The following GALNT13 variants were observed in gnomAD, a reference collection of about 807,000 sequenced individuals.
The protein encoded by GALNT13 is UDP-GalNAc:polypeptide N-acetylgalactosaminyltransferase 13.
GALNT13 carries 28 observed loss-of-function variants against 64.2 expected under a neutral mutation model. The observed-to-expected ratio is 0.44, with a 90% confidence interval of 0.32 to 0.60. The LOEUF is 0.60. Among genes scored for constraint, GALNT13 ranks in the 20% least tolerant of loss-of-function variants. The pLI, the probability that GALNT13 is intolerant of heterozygous loss-of-function variation, is 0.05. For synonymous variants in GALNT13, 214 were observed against 224.6 expected (o/e 0.95, Z 0.42); for missense variants, 577 against 669.8 (o/e 0.86, Z 1.53).
chr2:153,462,802 C>T, the GALNT13 span, among the ~76,000 whole-genome samples: 132 of 152,182 alleles, frequency 8.7e-4, no homozygotes, highest in Middle Eastern at 3.4e-3. Flanking sequence ...AATATGAAAG[C>T]GATGGAGAAT....
At chr2:154,190,591 TTGTC>T (rs1174223261) in intron 4 of GALNT13, among the ~76,000 whole-genome samples, 1 of 152,220 alleles carries the variant, frequency 6.6e-6, no homozygotes, top group Non-Finnish European at 1.5e-5. Context: ...CAACTCAGCT[TTGTC>T]TGTGACCATC....
chr2:153,935,663 A>T (rs1690855596), intron 2 of GALNT13, among the ~76,000 whole-genome samples: 2 of 152,292 alleles, frequency 1.3e-5, no homozygotes, highest in Admixed American at 6.5e-5. Context: ...TGCCCACATG[A>T]GTTTTTCTGT....
chr2:154,389,925 G>A (rs1272253417), intron 9 of GALNT13, among the ~76,000 whole-genome samples: 1 of 152,136 alleles, frequency 6.6e-6, no homozygotes, highest in African/African-American at 2.4e-5. Context: ...AGGGGGTCTG[G>A]TGTCTCACTG....
At chr2:153,151,731 C>CA in the GALNT13 span, among the ~76,000 whole-genome samples, 12 of 143,372 alleles carry the variant, frequency 8.4e-5, no homozygotes, top group Admixed American at 6.8e-4. Flanking sequence ...ATCGCAAGGA[C>CA]AAAAAACCAA....
chr2:153,152,548 G>A, the GALNT13 span, among the ~76,000 whole-genome samples: 1 of 151,362 alleles, frequency 6.6e-6, no homozygotes, highest in African/African-American at 2.4e-5. Flanking sequence ...TTAGTATCCT[G>A]ATCCTCTCTC....
At chr2:153,601,478 C>A in the GALNT13 span, among the ~76,000 whole-genome samples, 1 of 151,526 alleles carries the variant, frequency 6.6e-6, no homozygotes, top group Non-Finnish European at 1.5e-5. Flanking sequence ...CAAAGAATGT[C>A]ATTTTTCCCT....
chr2:154,178,683 C>T (rs1685792730), intron 4 of GALNT13, among the ~76,000 whole-genome samples: 1 of 152,110 alleles, frequency 6.6e-6, no homozygotes, highest in Non-Finnish European at 1.5e-5. Context: ...CTTCCAGTTC[C>T]ATTGTCCTCA....
the GALNT13 span, among the ~76,000 whole-genome samples, chr2:153,776,593 T>C: frequency 6.6e-6 from 1 of 152,222 alleles, no homozygotes; most frequent in Admixed American, 6.5e-5. Flanking sequence ...CACTTGCCCA[T>C]GTCTTTCATT....
chr2:154,093,254 C>G (rs915038932), intron 3 of GALNT13, among the ~76,000 whole-genome samples: 4 of 151,830 alleles, frequency 2.6e-5, no homozygotes, highest in African/African-American at 9.7e-5. Context: ...TTACTTTCTT[C>G]TTCTATGATT....
chr2:153,195,091 G>T, the GALNT13 span, among the ~76,000 whole-genome samples: 2 of 152,174 alleles, frequency 1.3e-5, no homozygotes, highest in Non-Finnish European at 2.9e-5. Flanking sequence ...AGTGGCAGTG[G>T]GGGGATGAGT....
At chr2:153,354,529 G>A in the GALNT13 span, among the ~76,000 whole-genome samples, 20 of 152,148 alleles carry the variant, frequency 1.3e-4, no homozygotes, top group Non-Finnish European at 2.4e-4. Flanking sequence ...GCTCTAAAAC[G>A]TAGTAGTACA....
intron 2 of GALNT13, among the ~76,000 whole-genome samples, chr2:153,939,282 G>T (rs1377121057): frequency 6.6e-6 from 1 of 152,162 alleles, no homozygotes; most frequent in Non-Finnish European, 1.5e-5. Context: ...AATCGCACAT[G>T]CCCTGAGGCA....
chr2:153,534,524 TTC>T, the GALNT13 span, among the ~76,000 whole-genome samples: 11 of 149,926 alleles, frequency 7.3e-5, 4 homozygotes, highest in Admixed American at 1.3e-4. Flanking sequence ...CTTTCTTTCT[TTC>T]TTTTTTTTTT....
the GALNT13 span, among the ~76,000 whole-genome samples, chr2:153,073,241 T>C: frequency 6.6e-6 from 1 of 152,094 alleles, no homozygotes; most frequent in African/African-American, 2.4e-5. Context: ...AAGGAGTGGG[T>C]TGTGGCTCCT....
At position 154,269,906 on chromosome 2, in the gene GALNT13, G is replaced by GTGTATATATA. The variant is rs529424469; in HGVS notation, c.975+10769_975+10770insGTATATATAT. Among the ~76,000 whole-genome samples the GTGTATATATA allele has an allele frequency of 1.6e-3, 155 of 96,772 alleles. 1 individual carries two copies. The highest frequency in any genetic ancestry group is 2.4e-3 in the Non-Finnish European group (116 of 47,934). The allele number at this position is 96,772 out of a possible 152,430, so 63.5% of individuals were successfully genotyped here. On this transcript the variant is annotated intron_variant, in intron 8 of 12. Coordinates refer to ENST00000392825, the MANE Select transcript of GALNT13 (RefSeq NM_052917.4). ...GTCATATATATATTTATATATATGT[G>GTGTATATATA]TATATATATATATATATATTTCTAA...
At chr2:153,374,383 T>A in the GALNT13 span, among the ~76,000 whole-genome samples, 1 of 152,168 alleles carries the variant, frequency 6.6e-6, no homozygotes, top group Non-Finnish European at 1.5e-5. Context: ...TGATATATAT[T>A]CTTTGGAGAA....
intron 8 of GALNT13, among the ~76,000 whole-genome samples, chr2:154,275,131 G>A (rs1375831769): frequency 6.6e-6 from 1 of 152,134 alleles, no homozygotes; most frequent in East Asian, 1.9e-4. Flanking sequence ...AAGAAGCAGA[G>A]CCTAAAAGTT....
the GALNT13 span, among the ~76,000 whole-genome samples, chr2:153,725,939 A>T: frequency 6.6e-6 from 1 of 152,140 alleles, no homozygotes; most frequent in African/African-American, 2.4e-5. Flanking sequence ...TATGCTTTTA[A>T]TATTTTTTCG....
the GALNT13 span, among the ~76,000 whole-genome samples, chr2:153,071,288 T>G: frequency 6.6e-6 from 1 of 152,240 alleles, no homozygotes. Flanking sequence ...CTAAAGACAT[T>G]GTTGGCAGAA....
Sources: gnomAD v4.1 joint callset for allele counts (sites outside exome capture counted in the v4.1 genomes callset) on GRCh38, gnomAD v4.1.1 for gene constraint, MANE v1.5 for transcripts, NCBI Gene and HGNC (gene_info 2026-07-23, HGNC 2026-07-21) for gene names.